IFT27: variants seen among roughly 807,000 people sequenced by gnomAD.
IFT27 encodes intraflagellar transport protein 27 homolog.
In IFT27, 19 loss-of-function variants were observed where a neutral mutation model predicts 23.9. The ratio of observed to expected loss-of-function variants is 0.79; its 90% CI spans 0.55 to 1.16. The LOEUF is 1.16. Ranked by LOEUF, IFT27 falls within the 50% of genes most tolerant of loss-of-function variation. The pLI is 0.00. For missense variants in IFT27, 206 were observed against 228.7 expected (o/e 0.90, Z 0.64); for synonymous variants, 91 against 89.1 (o/e 1.02, Z -0.12).
chr22:36,767,537 T>C (rs1938285658), intron 2 of IFT27, among the ~76,000 whole-genome samples, 172 bp from the exon 3 acceptor site: 1 of 152,186 alleles, frequency 6.6e-6, no homozygotes, highest in Non-Finnish European at 1.5e-5. Context: ...GGGGACCAAC[T>C]AGTCCTCTCC....
intron 1 of IFT27, among the ~76,000 whole-genome samples, chr22:36,771,401 A>T (rs1201021418): frequency 6.6e-6 from 1 of 152,110 alleles, no homozygotes; most frequent in African/African-American, 2.4e-5. Context: ...TGGTACCAGG[A>T]GTGGTCTTAA....
In IFT27 at chr22:36,767,814, T is replaced by C. The variant is rs1938292560; in HGVS notation, c.83A>G (p.Asp28Gly). 8 of 1,614,064 alleles carry C rather than the reference T, an allele frequency of 5.0e-6. No homozygotes were observed. Among genetic ancestry groups the C allele is most frequent in the Non-Finnish European group, 6.8e-6 (8 of 1,180,030 alleles). The stretch of plus-strand genomic sequence containing the variant: ...GTAGCTTTTCTGGAAATGGGCTCCA[T>C]CACTGCGGAAGATCTGTGCCAGGGC... ...KTALAQIFRS[D>G]GAHFQKSYTL... The change falls in exon 2 of 7, where the codon GAT becomes GGT. Residue 28 changes from aspartate to glycine, a missense_variant. Transcript: ENST00000433985.
At chr22:36,764,116 A>G in intron 4 of IFT27, 80 bp from the exon 5 acceptor site, 1 of 972,940 alleles carries the variant, frequency 1.0e-6, no homozygotes, top group South Asian at 1.3e-5. Context: ...TGGCCTTCCA[A>G]GGGAAAGGGT....
intron 5 of IFT27, chr22:36,763,701 C>T (rs1016237894): frequency 9.4e-6 from 6 of 640,166 alleles, no homozygotes; most frequent in South Asian, 5.1e-5. Context: ...CTGCCAGGTG[C>T]GTGTCCTCAT....
intron 1 of IFT27, among the ~76,000 whole-genome samples, chr22:36,771,019 C>A (rs1271608689): frequency 6.6e-6 from 1 of 152,194 alleles, no homozygotes; most frequent in Non-Finnish European, 1.5e-5. Flanking sequence ...GCCTGCACCC[C>A]AGCAGCACTA....
In IFT27 at chr22:36,773,729, T is replaced by C. The variant is rs1432181582; in HGVS notation, c.34+1945A>G. Among the ~76,000 whole-genome samples, 4 of 150,672 alleles carry C rather than the reference T, an allele frequency of 2.7e-5. No homozygotes were observed. In the East Asian group the frequency reaches 7.9e-4, roughly 30 times the overall value. On this transcript the variant is annotated intron_variant, in intron 1 of 6. Transcript: ENST00000433985. ...GACAGAGTAGCTTGGGCTAAAGCCC[T>C]GGAAATCAGATTGGGACCCAGGGTC...
rs372265245 is a variant in IFT27 at position 36,758,275 on chromosome 22, C to T, written c.*36G>A. On this transcript the variant is annotated 3_prime_UTR_variant, in exon 7 of 7. Coordinates refer to ENST00000433985, the MANE Select transcript of IFT27 (RefSeq NM_001177701.3). The stretch of plus-strand genomic sequence containing the variant: ...ATTAAAAGAGCAGAGGTAATTCTGT[C>T]TTCTCCGGTTGTGCAGCACGATCTG... 1.4e-6 allele frequency: 2 copies of T among 1,479,168 alleles called. No individual in the cohort carries two copies. The highest frequency in any genetic ancestry group is 1.9e-6 in the Non-Finnish European group (2 of 1,057,262). The allele number at this position is 1,479,168 out of a possible 1,614,324, so 91.6% of individuals were successfully genotyped here.
Position 36,775,693 on chromosome 22 carries a change from T to C in IFT27, c.15A>G (p.Ala5=). Residue 5 remains alanine (A), a synonymous_variant, in exon 1 of 7, where the codon GCA becomes GCG. Transcript: ENST00000433985. MVKL[A]AKCILAGDPA... ...ACTCACCTGCCAGGATGCATTTGGC[T>C]GCCAGCTTCACCATGGTAACCAACA... 1 of 1,614,188 alleles carries C rather than the reference T, an allele frequency of 6.2e-7. No homozygotes were observed.
chr22:36,765,479 T>C (rs1489615160), intron 4 of IFT27, among the ~76,000 whole-genome samples: 1 of 150,330 alleles, frequency 6.7e-6, no homozygotes, highest in East Asian at 1.9e-4. Flanking sequence ...TCATTAGATC[T>C]ACTTCTCTTA....
At chr22:36,766,551 C>T (rs1157636203) in intron 3 of IFT27, 2 of 298,724 alleles carry the variant, frequency 6.7e-6, no homozygotes, top group Non-Finnish European at 1.3e-5. Flanking sequence ...AAAGGTCATT[C>T]TGCACTTTGT....
chr22:36,768,222 A>C (rs993128539), intron 1 of IFT27: 14 of 397,354 alleles, frequency 3.5e-5, no homozygotes, highest in Non-Finnish European at 6.1e-5. Flanking sequence ...ATTTACTTTG[A>C]AGTCTTGAAG....
intron 2 of IFT27, 58 bp from the exon 3 acceptor site, chr22:36,767,423 CAGG>C (rs1873930611): frequency 6.7e-7 from 1 of 1,483,642 alleles, no homozygotes; most frequent in African/African-American, 1.4e-5. Flanking sequence ...GAGCATGTTA[CAGG>C]AGGACACACA....
At position 36,762,941 on chromosome 22, in the gene IFT27, G is replaced by C; in HGVS notation, c.425C>G (p.Ala142Gly). 1 of 1,595,036 alleles carries C rather than the reference G, an allele frequency of 6.3e-7. No individual in the cohort carries two copies. Among genetic ancestry groups the C allele is most frequent in the Non-Finnish European group, 8.6e-7 (1 of 1,167,674 alleles). Residue 142 changes from alanine to glycine, a missense_variant, in exon 6 of 7, where the codon GCG becomes GGG. By Grantham distance (60) the Ala-to-Gly change is moderately conservative. Coordinates refer to ENST00000433985, the MANE Select transcript of IFT27 (RefSeq NM_001177701.3). ...AVDSAEARAW[A>G]LGQGLECFET... ...AAAACATTCCAGGCCCTGGCCCAGC[G>C]CCCATGCCCGGGCCTCAGCTGAGTC...
intron 1 of IFT27, chr22:36,768,112 G>T (rs1351406710): frequency 1.6e-6 from 1 of 621,276 alleles, no homozygotes; most frequent in East Asian, 3.5e-5. Context: ...GACCCAGAAG[G>T]TAACAGAACT....
At chr22:36,762,698 G>A in intron 6 of IFT27, 2 of 411,424 alleles carry the variant, frequency 4.9e-6, no homozygotes, top group Non-Finnish European at 8.9e-6. Flanking sequence ...TTTTCCCAGG[G>A]TTGGCTGGCT....
chr22:36,772,445 G>A (rs918373858), intron 1 of IFT27: 3 of 901,036 alleles, frequency 3.3e-6, no homozygotes, highest in Non-Finnish European at 4.0e-6. Context: ...CACAGTGCCT[G>A]GCATATATAA....
intron 3 of IFT27, chr22:36,766,520 C>T (rs560444453): frequency 1.3e-4 from 47 of 362,642 alleles, no homozygotes; most frequent in South Asian, 1.1e-3. Flanking sequence ...CTAAACAGGC[C>T]GGTGAGTGCT....
intron 1 of IFT27, among the ~76,000 whole-genome samples, chr22:36,774,510 G>C (rs1214465005): frequency 6.6e-6 from 1 of 152,144 alleles, no homozygotes; most frequent in Non-Finnish European, 1.5e-5. Context: ...AGTAAGATCA[G>C]AACAATCCAG....
chr22:36,759,194 A>C (rs1938012395), intron 6 of IFT27: 1 of 151,754 alleles, frequency 6.6e-6, no homozygotes, highest in East Asian at 1.9e-4. Flanking sequence ...CACCAGCCGG[A>C]TCCACCCAGC....
Sources: gnomAD v4.1 joint callset for allele counts (sites outside exome capture counted in the v4.1 genomes callset) on GRCh38, gnomAD v4.1.1 for gene constraint, MANE v1.5 for transcripts, NCBI Gene and HGNC (gene_info 2026-07-23, HGNC 2026-07-21) for gene names.